ZNF257: variants seen among roughly 807,000 people sequenced by gnomAD.
ZNF257 encodes bone marrow zinc finger 4.
ZNF257 carries 12 observed loss-of-function variants against 11.9 expected under a neutral mutation model. That is an observed-to-expected ratio of 1.01 (90% CI 0.65 to 1.63). The LOEUF is 1.63. Ranked by LOEUF, ZNF257 falls within the 40% of genes most tolerant of loss-of-function variation. The pLI is 0.00. For synonymous variants in ZNF257, 183 were observed against 222.7 expected, an observed-to-expected ratio of 0.82 and a Z score of 1.59; for missense variants, 580 against 665.5, an observed-to-expected ratio of 0.87 and a Z score of 1.41.
At chr19:22,074,984 G>C (rs2022193951) in intron 3 of ZNF257, among the ~76,000 whole-genome samples, 2 of 152,296 alleles carry the variant, frequency 1.3e-5, no homozygotes, top group African/African-American at 4.8e-5. Flanking sequence ...TTTGGTGTCT[G>C]TGAATTTGAA....
chr19:22,055,038 A>G (rs747503534), intron 1 of ZNF257, among the ~76,000 whole-genome samples: 1 of 150,988 alleles, frequency 6.6e-6, no homozygotes, highest in Non-Finnish European at 1.5e-5. Context: ...TTTCGAAGAT[A>G]TTAAGATTGT....
chr19:22,055,940 A>T (rs888396488), intron 1 of ZNF257, among the ~76,000 whole-genome samples: 1 of 151,644 alleles, frequency 6.6e-6, no homozygotes, highest in Non-Finnish European at 1.5e-5. Context: ...CTGTAGTCCC[A>T]GCTACTCGGG....
At position 22,088,679 on chromosome 19, in the gene ZNF257, A is replaced by G. The variant is rs1476931339; in HGVS notation, c.929A>G (p.His310Arg). ...LTTLTQHKRI[H>R]TGEKPYKCEE... ...ACCCTTACTCAACATAAGAGAATTCATACTGGAGAGAAACCCTACAAATGT... is the reference window on the plus strand; with the variant it reads ...ACCCTTACTCAACATAAGAGAATTCGTACTGGAGAGAAACCCTACAAATGT... Residue 310 changes from histidine to arginine, a missense_variant, in exon 4 of 4, where the codon CAT becomes CGT. Transcript: ENST00000594947. 2 of 1,613,524 alleles carry G rather than the reference A, an allele frequency of 1.2e-6. No homozygotes were observed. Among genetic ancestry groups the G allele is most frequent in the South Asian group, 1.1e-5 (1 of 91,068 alleles).
intron 1 of ZNF257, among the ~76,000 whole-genome samples, chr19:22,056,862 C>T (rs2021656806): frequency 6.6e-6 from 1 of 151,804 alleles, no homozygotes; most frequent in Admixed American, 6.6e-5. Flanking sequence ...AGAATGCTAC[C>T]AAGGAAAAGA....
Position 22,052,522 on chromosome 19 carries a change from C to T in ZNF257, c.-111C>T. ...CTCTAGCCCGAGCTGCAGGTCTCGT[C>T]TTCCCTGGTCTGTGTCCTCTTCTCC... On this transcript the variant is annotated 5_prime_UTR_variant, in exon 1 of 4. Coordinates refer to ENST00000594947, the MANE Select transcript of ZNF257 (RefSeq NM_033468.4). The T allele has an allele frequency of 3.0e-6, 4 of 1,354,742 alleles. No homozygotes were observed. In the Middle Eastern group the frequency reaches 7.5e-4, roughly 253 times the overall value. The allele number at this position is 1,354,742 out of a possible 1,614,324, so 83.9% of individuals were successfully genotyped here.
intron 1 of ZNF257, among the ~76,000 whole-genome samples, chr19:22,059,250 AC>A (rs1476333077): frequency 2.6e-5 from 4 of 152,172 alleles, no homozygotes; most frequent in African/African-American, 9.7e-5. Context: ...TCACTGAGAT[AC>A]TAAACTTTGC....
At chr19:22,053,825 T>C (rs1351330949) in intron 1 of ZNF257, among the ~76,000 whole-genome samples, 1 of 151,910 alleles carries the variant, frequency 6.6e-6, no homozygotes, top group Non-Finnish European at 1.5e-5. Context: ...CTCCGGAGGC[T>C]GAGGCAGGAG....
Position 22,052,575 on chromosome 19 carries a change from A to G in ZNF257, c.-58A>G. On this transcript the variant is annotated 5_prime_UTR_variant, in exon 1 of 4. Transcript: ENST00000594947. ...GGGGCCCAGCCTCTGTGGCCCTGTG[A>G]CCTGCAGGTATTGGGAGATCCCCAG... is the stretch of plus-strand genomic sequence containing the variant. 1.9e-6 allele frequency: 3 copies of G among 1,592,236 alleles called. No homozygotes were observed. The South Asian group carries it at 3.3e-5, about 18-fold the overall frequency.
intron 3 of ZNF257, 91 bp from the exon 4 acceptor site, chr19:22,087,886 T>C: frequency 8.7e-7 from 1 of 1,150,362 alleles, no homozygotes; most frequent in Non-Finnish European, 1.2e-6. Flanking sequence ...ATCTTCCTTA[T>C]GTAGTATATA....
At chr19:22,073,838 A>G (rs2022166563) in intron 3 of ZNF257, among the ~76,000 whole-genome samples, 1 of 152,026 alleles carries the variant, frequency 6.6e-6, no homozygotes, top group Non-Finnish European at 1.5e-5. Flanking sequence ...AAGAGACTGC[A>G]TAGTCTGACT....
intron 1 of ZNF257, among the ~76,000 whole-genome samples, chr19:22,061,063 A>G (rs2021782822): frequency 1.3e-5 from 2 of 150,542 alleles, no homozygotes; most frequent in South Asian, 2.1e-4. Flanking sequence ...TAAGGCCTCC[A>G]GCTCTGTTCC....
At chr19:22,056,665 A>T (rs2021650299) in intron 1 of ZNF257, among the ~76,000 whole-genome samples, 1 of 151,642 alleles carries the variant, frequency 6.6e-6, no homozygotes, top group Non-Finnish European at 1.5e-5. Flanking sequence ...TTTTTAGTAG[A>T]GACGGGGTTT....
chr19:22,071,944 A>G (rs1337411973), intron 1 of ZNF257, among the ~76,000 whole-genome samples: 1 of 151,952 alleles, frequency 6.6e-6, no homozygotes, highest in Admixed American at 6.6e-5. Flanking sequence ...CTGAAAAAAA[A>G]TGAGGAAATA....
chr19:22,080,548 C>T (rs2022334003), intron 3 of ZNF257, among the ~76,000 whole-genome samples: 1 of 151,988 alleles, frequency 6.6e-6, no homozygotes, highest in Admixed American at 6.6e-5. Context: ...GATGTTGGCA[C>T]ACACTTCTTG....
At chr19:22,070,691 G>A (rs1234120906) in intron 1 of ZNF257, among the ~76,000 whole-genome samples, 1 of 152,178 alleles carries the variant, frequency 6.6e-6, no homozygotes, top group East Asian at 1.9e-4. Flanking sequence ...TGTGACAAGA[G>A]TGCTGAGTAT....
In ZNF257 at chr19:22,089,609, T is replaced by C; in HGVS notation, c.*167T>C. The C allele has an allele frequency of 6.9e-7, 1 of 1,439,910 alleles. No individual in the cohort carries two copies. Among genetic ancestry groups the C allele is most frequent in the Non-Finnish European group, 9.1e-7 (1 of 1,098,942 alleles). 89.2% of individuals were successfully genotyped at this position (1,439,910 alleles called of 1,614,324 possible). A position where few individuals can be genotyped will look rare whatever the true frequency, so the allele number is the denominator to read the frequency against. Reference sequence around the variant, plus strand: ...TTACTAAGCATAAAATAATTCATGCTGGAGAGAAACTCTTGAAATGTGATG... The same window carrying C: ...TTACTAAGCATAAAATAATTCATGCCGGAGAGAAACTCTTGAAATGTGATG... On this transcript the variant is annotated 3_prime_UTR_variant, in exon 4 of 4. Coordinates refer to ENST00000594947, the MANE Select transcript of ZNF257 (RefSeq NM_033468.4).
intron 1 of ZNF257, among the ~76,000 whole-genome samples, chr19:22,062,600 A>C (rs1250481431): frequency 1.3e-5 from 2 of 151,646 alleles, no homozygotes; most frequent in East Asian, 3.9e-4. Context: ...CTCCTGCCTC[A>C]GCCTTTCAAG....
intron 1 of ZNF257, among the ~76,000 whole-genome samples, chr19:22,055,627 C>A (rs1410768255): frequency 6.6e-6 from 1 of 152,158 alleles, no homozygotes; most frequent in Non-Finnish European, 1.5e-5. Context: ...GCAGTTTCTC[C>A]TGAGAGAGTG....
At chr19:22,055,567 ATAAGAG>A (rs922261847) in intron 1 of ZNF257, among the ~76,000 whole-genome samples, 1 of 152,144 alleles carries the variant, frequency 6.6e-6, no homozygotes, top group African/African-American at 2.4e-5. Context: ...GTTAGATGGT[ATAAGAG>A]CTTACAAAAT....
Sources: allele counts gnomAD v4.1 joint callset (sites outside exome capture counted in the v4.1 genomes callset), GRCh38; gene constraint gnomAD v4.1.1; transcripts MANE v1.5; gene names NCBI Gene and HGNC (gene_info 2026-07-23, HGNC 2026-07-21).